CD247: variants seen among roughly 807,000 people sequenced by gnomAD.
The protein encoded by CD247 is T-cell surface glycoprotein CD3 zeta chain.
Under a neutral mutation model 30.0 loss-of-function variants are expected in CD247, and 13 were observed. The observed-to-expected ratio is 0.43, with a 90% CI of 0.28 to 0.69. The LOEUF (loss-of-function observed/expected upper bound fraction) is 0.69, where lower values mean the gene tolerates loss of function less well. CD247 is among the 30% of genes least tolerant of loss of function. The pLI, the probability that CD247 is intolerant of heterozygous loss-of-function variation, is 0.16. For missense variants in CD247, 193 were observed against 212.6 expected (o/e 0.91, Z 0.57); for synonymous variants, 72 against 80.0 (o/e 0.90, Z 0.53).
intron 4 of CD247, among the ~76,000 whole-genome samples, chr1:167,435,895 G>A (rs1723023): frequency 0.29 from 43,902 of 152,178 alleles, 7,709 homozygotes; most frequent in Middle Eastern, 0.51. Flanking sequence ...GGTGAGGAGT[G>A]GTCAATGAAA....
chr1:167,514,330 G>A (rs34330996), intron 1 of CD247, among the ~76,000 whole-genome samples: 90 of 152,042 alleles, frequency 5.9e-4, no homozygotes, highest in Non-Finnish European at 1.2e-3. Flanking sequence ...GTGGAGATGG[G>A]GTTTCACCAC....
chr1:167,464,075 G>C (rs1484057955), intron 1 of CD247, among the ~76,000 whole-genome samples: 2 of 152,016 alleles, frequency 1.3e-5, no homozygotes, highest in Non-Finnish European at 2.9e-5. Context: ...GGAAAGTGTT[G>C]TGTGTTTGAT....
intron 1 of CD247, among the ~76,000 whole-genome samples, chr1:167,449,730 C>A (rs1007430656): frequency 6.6e-6 from 1 of 152,026 alleles, no homozygotes; most frequent in Non-Finnish European, 1.5e-5. Context: ...TGAGACCAGC[C>A]TGGCCAACAT....
Position 167,501,918 on chromosome 1 carries a change from G to T in CD247, c.58+16490C>A, listed in dbSNP as rs372038397. ...CTAAAATCCAAAACAAGCTCTGCCCGCTTGAATTGCCACTCAGATTCATTT... is the reference window on the plus strand; with the variant it reads ...CTAAAATCCAAAACAAGCTCTGCCCTCTTGAATTGCCACTCAGATTCATTT... On this transcript the variant is annotated intron_variant, in intron 1 of 7. Coordinates refer to ENST00000362089, the MANE Select transcript of CD247 (RefSeq NM_198053.3). Among the ~76,000 whole-genome samples the T allele has an allele frequency of 2.6e-5, 4 of 152,354 alleles. No homozygotes were observed. In the South Asian group the frequency reaches 6.2e-4, roughly 24 times the overall value.
intron 1 of CD247, among the ~76,000 whole-genome samples, chr1:167,490,950 A>AAAT (rs756023057): frequency 1.5e-4 from 22 of 151,480 alleles, no homozygotes; most frequent in South Asian, 4.2e-4. Context: ...AAATAATAAT[A>AAAT]AATAATAATA....
chr1:167,512,538 C>A (rs534603439), intron 1 of CD247, among the ~76,000 whole-genome samples: 34 of 152,254 alleles, frequency 2.2e-4, no homozygotes, highest in African/African-American at 7.7e-4. Context: ...AAACTAAAGC[C>A]TAGAGAGAAA....
intron 1 of CD247, among the ~76,000 whole-genome samples, chr1:167,504,075 T>A (rs1050584482): frequency 2.0e-5 from 3 of 152,142 alleles, no homozygotes; most frequent in African/African-American, 7.2e-5. Context: ...CGGGGTGCTG[T>A]GTATAGGCAA....
At chr1:167,503,542 A>G (rs1033095714) in intron 1 of CD247, among the ~76,000 whole-genome samples, 2 of 152,242 alleles carry the variant, frequency 1.3e-5, no homozygotes, top group Non-Finnish European at 2.9e-5. Context: ...GCACTTAAAC[A>G]ACAACAAACA....
chr1:167,495,018 C>A (rs918836811), intron 1 of CD247, among the ~76,000 whole-genome samples: 1 of 152,154 alleles, frequency 6.6e-6, no homozygotes, highest in Non-Finnish European at 1.5e-5. Flanking sequence ...GAAGGCAGAT[C>A]CCAAGGAGGG....
chr1:167,461,996 G>T (rs1452120437), intron 1 of CD247, among the ~76,000 whole-genome samples: 1 of 152,178 alleles, frequency 6.6e-6, no homozygotes, highest in African/African-American at 2.4e-5. Context: ...AGGTGTGCCT[G>T]ATAGGATGCT....
At chr1:167,479,819 G>A (rs1480523739) in intron 1 of CD247, among the ~76,000 whole-genome samples, 3 of 152,200 alleles carry the variant, frequency 2.0e-5, no homozygotes, top group Non-Finnish European at 4.4e-5. Flanking sequence ...TGCTCCAGGG[G>A]CACTGGGCTT....
rs35356557 is a variant in CD247 at position 167,504,256 on chromosome 1, G to GCCC, written c.58+14149_58+14151dup. The stretch of plus-strand genomic sequence containing the variant: ...TGCATGCAAACAGCACATAAAACAA[G>GCCC]CCCCGGCATCACAAGTGTTCACAGT... On this transcript the variant is annotated intron_variant, in intron 1 of 7. Transcript: ENST00000362089. Among the ~76,000 whole-genome samples the GCCC allele has an allele frequency of 3.7e-3, 563 of 152,248 alleles. 3 individuals carry two copies. The highest frequency in any genetic ancestry group is 0.013 in the African/African-American group (534 of 41,520).
chr1:167,489,333 G>A (rs1411050532), intron 1 of CD247, among the ~76,000 whole-genome samples: 1 of 152,158 alleles, frequency 6.6e-6, no homozygotes, highest in Non-Finnish European at 1.5e-5. Flanking sequence ...TAAATAGGAT[G>A]AAATGTTATT....
chr1:167,454,735 C>A (rs1652550740), intron 1 of CD247, among the ~76,000 whole-genome samples: 1 of 152,226 alleles, frequency 6.6e-6, no homozygotes, highest in South Asian at 2.1e-4. Context: ...AAGCGCTTTT[C>A]CGATCCACCG....
At chr1:167,438,708 C>A (rs1651669137) in intron 3 of CD247, 58 bp from the exon 4 acceptor site, 8 of 1,357,710 alleles carry the variant, frequency 5.9e-6, no homozygotes, top group Non-Finnish European at 8.5e-6. Flanking sequence ...AGGATGGAGC[C>A]AGCTGGACTG....
chr1:167,470,725 T>C (rs1571557017), intron 1 of CD247, among the ~76,000 whole-genome samples: 1 of 152,182 alleles, frequency 6.6e-6, no homozygotes, highest in East Asian at 1.9e-4. Context: ...ATTTTTTGAC[T>C]ATTTTGAGGT....
chr1:167,516,853 C>T (rs937229685), intron 1 of CD247, among the ~76,000 whole-genome samples: 1 of 152,220 alleles, frequency 6.6e-6, no homozygotes, highest in African/African-American at 2.4e-5. Context: ...TGGCAGCCAC[C>T]GCCACCCAAC....
At chr1:167,449,155 T>TTTTTTTTTTTTTTTC (rs1652236141) in intron 1 of CD247, among the ~76,000 whole-genome samples, 3 of 61,592 alleles carry the variant, frequency 4.9e-5, no homozygotes, top group African/African-American at 1.5e-4. Context: ...TTTTCTTTTT[T>TTTTTTTTTTTTTTTC]TTTTTTTTTT....
chr1:167,495,354 G>A (rs1654642551), intron 1 of CD247, among the ~76,000 whole-genome samples: 1 of 152,174 alleles, frequency 6.6e-6, no homozygotes, highest in Admixed American at 6.5e-5. Flanking sequence ...TTGGGACTGG[G>A]TAAATACTCA....
Sources: gnomAD v4.1 joint callset for allele counts (sites outside exome capture counted in the v4.1 genomes callset) on GRCh38, gnomAD v4.1.1 for gene constraint, MANE v1.5 for transcripts, NCBI Gene and HGNC (gene_info 2026-07-23, HGNC 2026-07-21) for gene names.